The following UBE2U variants were observed in gnomAD, a reference collection of about 807,000 sequenced individuals.
UBE2U encodes ubiquitin conjugating enzyme E2 U, also known as ubiquitin-conjugating enzyme E2 U.
In UBE2U, 39 loss-of-function variants were observed where a neutral mutation model predicts 41.2. The ratio of observed to expected loss-of-function variants is 0.95; its 90% confidence interval spans 0.73 to 1.24. UBE2U has a LOEUF of 1.24. UBE2U is among the 50% of genes most tolerant of loss of function. The pLI is 0.00. For missense variants in UBE2U, 336 were observed against 363.1 expected, an observed-to-expected ratio of 0.93 and a Z score of 0.61; for synonymous variants, 107 against 117.8, an observed-to-expected ratio of 0.91 and a Z score of 0.60.
At chr1:64,224,714 C>T (rs901184752) in intron 6 of UBE2U, among the ~76,000 whole-genome samples, 2 of 139,554 alleles carry the variant, frequency 1.4e-5, no homozygotes, top group East Asian at 4.1e-4. Context: ...CAGAGCGAGA[C>T]TCTGTGTCAA....
Position 64,204,114 on chromosome 1 carries a change from A to G in UBE2U, c.64A>G (p.Lys22Glu). The G allele has an allele frequency of 6.2e-7, 1 of 1,613,370 alleles. No individual in the cohort carries two copies. The highest frequency in any genetic ancestry group is 1.7e-5 in the Admixed American group (1 of 59,970). The change falls in exon 1 of 10, where the codon AAG becomes GAG. Residue 22 changes from lysine (K) to glutamate (E), a missense_variant and splice_region_variant. By Grantham distance (56) the Lys-to-Glu change is moderately conservative. Coordinates refer to ENST00000371077, the MANE Select transcript of UBE2U (RefSeq NM_001366232.2). ...DFCDLKENNY[K>E]GITAKPVSED... is the part of the protein sequence containing the mutation. ...CTGTGATCTCAAGGAGAACAATTAT[A>G]AGGTAAGTACTGGGCACGTGGAGAG...
chr1:64,234,848 A>G (rs1349540921), intron 7 of UBE2U, among the ~76,000 whole-genome samples: 1 of 152,188 alleles, frequency 6.6e-6, no homozygotes, highest in Non-Finnish European at 1.5e-5. Flanking sequence ...AGCAGCTCAT[A>G]TAGGCTGCAG....
chr1:64,248,756 A>C (rs1453133423), intron 8 of UBE2U, among the ~76,000 whole-genome samples: 1 of 152,210 alleles, frequency 6.6e-6, no homozygotes, highest in African/African-American at 2.4e-5. Flanking sequence ...ATAGGGAAGA[A>C]AAGGTATAAA....
At chr1:64,206,613 T>C (rs1440345261) in intron 2 of UBE2U, 151 bp from the exon 3 acceptor site, 3 of 570,336 alleles carry the variant, frequency 5.3e-6, no homozygotes, top group Non-Finnish European at 6.3e-6. Flanking sequence ...TGTTATACTA[T>C]CCAGAGGAGT....
intron 8 of UBE2U, among the ~76,000 whole-genome samples, chr1:64,259,610 A>C (rs1645150193): frequency 6.6e-6 from 1 of 151,802 alleles, no homozygotes. Flanking sequence ...TTTTGACAAA[A>C]ACATTTCTAT....
rs759809548 is a variant in UBE2U, at chr1:64,260,633, A to G, written c.708A>G (p.Arg236=). The G allele has an allele frequency of 2.6e-6, 4 of 1,549,428 alleles. No homozygotes were observed. In the South Asian group the frequency reaches 3.6e-5, roughly 14 times the overall value. The change falls in exon 9 of 10, where the codon AGA becomes AGG. Residue 236 remains arginine (R), a synonymous_variant. Transcript: ENST00000371077. ...KYSVIKCWLA[R]KRMPHEVTHS... is the part of the protein sequence containing the mutation. Reference sequence around the variant, plus strand: ...CCGTTATCAAGTGTTGGCTTGCTAGAAAAAGAATGCCTCATGAAGTCACTC... The same window carrying G: ...CCGTTATCAAGTGTTGGCTTGCTAGGAAAAGAATGCCTCATGAAGTCACTC...
chr1:64,223,463 T>G (rs907374940), intron 6 of UBE2U, among the ~76,000 whole-genome samples: 4 of 152,122 alleles, frequency 2.6e-5, no homozygotes, highest in Non-Finnish European at 5.9e-5. Context: ...TTGAATCATA[T>G]CTAAAATGAG....
intron 9 of UBE2U, among the ~76,000 whole-genome samples, chr1:64,263,937 A>G (rs1322582604): frequency 6.6e-6 from 1 of 152,136 alleles, no homozygotes; most frequent in Non-Finnish European, 1.5e-5. Flanking sequence ...CTTGTACTCT[A>G]TGAGCTCCTG....
chr1:64,214,968 C>G (rs760974669), intron 5 of UBE2U, 36 bp downstream of exon 5: 1 of 1,546,596 alleles, frequency 6.5e-7, no homozygotes, highest in African/African-American at 1.4e-5. Context: ...TGCAGTGGCT[C>G]ACGCCTGTAA....
intron 8 of UBE2U, among the ~76,000 whole-genome samples, chr1:64,243,400 CAA>C (rs1644868143): frequency 6.6e-6 from 1 of 151,996 alleles, no homozygotes; most frequent in Non-Finnish European, 1.5e-5. Flanking sequence ...AAATAATTAT[CAA>C]AAGTCTTGTG....
intron 9 of UBE2U, among the ~76,000 whole-genome samples, chr1:64,261,214 T>A (rs889457355): frequency 6.6e-6 from 1 of 152,110 alleles, no homozygotes; most frequent in Non-Finnish European, 1.5e-5. Flanking sequence ...AGCATGACAT[T>A]TGGGGATAGA....
intron 6 of UBE2U, among the ~76,000 whole-genome samples, chr1:64,231,281 G>C (rs1644560272): frequency 6.6e-6 from 1 of 152,110 alleles, no homozygotes; most frequent in African/African-American, 2.4e-5. Context: ...TTTTTCACGA[G>C]ACAGTGTGTT....
At chr1:64,238,814 G>T (rs1383476755) in intron 7 of UBE2U, among the ~76,000 whole-genome samples, 1 of 152,032 alleles carries the variant, frequency 6.6e-6, no homozygotes, top group Non-Finnish European at 1.5e-5. Flanking sequence ...GGCCAAAGCA[G>T]GAGGATTTCT....
chr1:64,209,936 T>A (rs1365539450), intron 3 of UBE2U, among the ~76,000 whole-genome samples: 1 of 152,214 alleles, frequency 6.6e-6, no homozygotes, highest in Non-Finnish European at 1.5e-5. Flanking sequence ...GATTCTTATT[T>A]TGTGACTCGT....
chr1:64,249,723 T>TA (rs1271966847), intron 8 of UBE2U, among the ~76,000 whole-genome samples: 1 of 151,548 alleles, frequency 6.6e-6, no homozygotes, highest in Non-Finnish European at 1.5e-5. Context: ...ATAATCTCTT[T>TA]AAAAAAAGAT....
Position 64,260,678 on chromosome 1 carries a change from GCT to G in UBE2U, c.756_757del (p.Cys253ProfsTer5). 1 of 1,549,500 alleles carries G rather than the reference GCT, an allele frequency of 6.5e-7. No individual in the cohort carries two copies. Among genetic ancestry groups the G allele is most frequent in the Non-Finnish European group, 8.7e-7 (1 of 1,146,546 alleles). ...TCACTCACTCAATGGAAGAAATTAA[GCT>G]CTGCCCAACTCTAAGTAAATCGATT... ...EVTHSMEEIK[L>X]CPTLNEIFLE... On this transcript the variant is annotated frameshift_variant, in exon 9 of 10. Transcript: ENST00000371077. LOFTEE classifies it low-confidence loss of function (END_TRUNC).
chr1:64,262,059 G>A (rs1645187190), intron 9 of UBE2U, among the ~76,000 whole-genome samples: 1 of 152,100 alleles, frequency 6.6e-6, no homozygotes, highest in African/African-American at 2.4e-5. Flanking sequence ...AAGCTAGTGG[G>A]TCATGATTGT....
chr1:64,236,501 G>A (rs1284940234), intron 7 of UBE2U, among the ~76,000 whole-genome samples: 1 of 152,160 alleles, frequency 6.6e-6, no homozygotes, highest in Non-Finnish European at 1.5e-5. Flanking sequence ...CACTGCTATA[G>A]AATGGCAAGT....
chr1:64,221,087 AT>A (rs1480330526), intron 6 of UBE2U, among the ~76,000 whole-genome samples, 180 bp downstream of exon 6: 1 of 152,168 alleles, frequency 6.6e-6, no homozygotes, highest in African/African-American at 2.4e-5. Context: ...TTCTAGTTGA[AT>A]TAAAATTAAA....
Sources: allele counts gnomAD v4.1 joint callset (sites outside exome capture counted in the v4.1 genomes callset), GRCh38; gene constraint gnomAD v4.1.1; transcripts MANE v1.5; gene names NCBI Gene and HGNC (gene_info 2026-07-23, HGNC 2026-07-21).